The following SEMA6D variants were observed in gnomAD, a reference collection of about 807,000 sequenced individuals.
SEMA6D encodes the protein semaphorin 6D, also known as semaphorin-6D.
Under a neutral mutation model 106.6 loss-of-function variants are expected in SEMA6D, and 35 were observed. The observed-to-expected ratio is 0.33, with a 90% CI of 0.25 to 0.44. The LOEUF (loss-of-function observed/expected upper bound fraction) is 0.44, where lower values mean the gene tolerates loss of function less well. Ranked by LOEUF, SEMA6D falls within the 20% of genes least tolerant of loss-of-function variation. SEMA6D has a pLI of 1.00. For missense variants in SEMA6D, 1,185 were observed against 1,345.9 expected (o/e 0.88, Z 1.87); for synonymous variants, 499 against 487.7 (o/e 1.02, Z -0.31).
At chr15:47,303,672 C>T (rs907951362) in intron 1 of SEMA6D, among the ~76,000 whole-genome samples, 1 of 152,190 alleles carries the variant, frequency 6.6e-6, no homozygotes, top group Non-Finnish European at 1.5e-5. Context: ...AGTGGAAATT[C>T]ATTCTATATT....
rs771067201 is a variant in SEMA6D, at chr15:47,764,245, A to G, written c.1037A>G (p.Glu346Gly). 6.2e-7 allele frequency: 1 copy of G among 1,613,818 alleles called. No individual in the cohort carries two copies. Among genetic ancestry groups the G allele is most frequent in the East Asian group, 2.2e-5 (1 of 44,864 alleles). Residue 346 changes from glutamate (E) to glycine (G), a missense_variant, in exon 11 of 19, where the codon GAA (glutamate) becomes GGA (glycine). Coordinates refer to ENST00000536845, the MANE Select transcript of SEMA6D (RefSeq NM_001358351.3). The stretch of plus-strand genomic sequence containing the variant: ...AAAGTATTCAAAGGACGGTTTAAGG[A>G]ACAGAAAACTCCAGATTCTGTTTGG... The part of the protein sequence containing the change: ...IEKVFKGRFK[E>G]QKTPDSVWTA...
At chr15:47,494,741 GATATATATATATATATATATATAT>G (rs202139404) in intron 3 of SEMA6D, among the ~76,000 whole-genome samples, 1,308 of 32,986 alleles carry the variant, frequency 0.04, 64 homozygotes, top group African/African-American at 0.06. Flanking sequence ...GTGGGATGGA[GATATATATATATATATATATATAT>G]ATATATATAT....
chr15:47,734,973 G>C (rs1041349877), intron 1 of SEMA6D, among the ~76,000 whole-genome samples: 6 of 151,994 alleles, frequency 3.9e-5, no homozygotes, highest in Non-Finnish European at 8.8e-5. Flanking sequence ...CATTTCATTT[G>C]GATCTGTCCT....
chr15:47,768,299 C>G (rs1157463966), intron 17 of SEMA6D, among the ~76,000 whole-genome samples: 12 of 152,104 alleles, frequency 7.9e-5, no homozygotes, highest in African/African-American at 2.4e-4. Flanking sequence ...ATTATATTAC[C>G]TTTTTCATGA....
intron 1 of SEMA6D, among the ~76,000 whole-genome samples, chr15:47,208,271 A>G (rs778102676): frequency 2.6e-5 from 4 of 152,164 alleles, no homozygotes; most frequent in Non-Finnish European, 5.9e-5. Context: ...ATGGTGCTAG[A>G]GATACAGAAA....
In SEMA6D at chr15:47,507,317, C is replaced by T. The variant is rs138578778; in HGVS notation, c.-87+36772C>T. Among the ~76,000 whole-genome samples the T allele has an allele frequency of 5.4e-3, 826 of 152,154 alleles. 6 individuals carry two copies. Among genetic ancestry groups the T allele is most frequent in the Admixed American group, 0.015 (222 of 15,282 alleles). ...GCCTTTTCCTTCCAAGGCAACAGCT[C>T]TTCTGGGCTCTCAAGTGGGACACCC... On this transcript the variant is annotated intron_variant, in intron 3 of 19. Transcript: ENST00000558014.
chr15:47,540,435 GA>G (rs1002665961), intron 3 of SEMA6D, among the ~76,000 whole-genome samples: 26 of 146,188 alleles, frequency 1.8e-4, no homozygotes, highest in East Asian at 4.0e-4. Flanking sequence ...AACTTGTACT[GA>G]AAAAAAAAAG....
intron 1 of SEMA6D, among the ~76,000 whole-genome samples, chr15:47,186,261 G>A (rs762671924): frequency 6.6e-6 from 1 of 152,056 alleles, no homozygotes; most frequent in Non-Finnish European, 1.5e-5. Flanking sequence ...TACTTAACAT[G>A]AACACCTCTC....
intron 1 of SEMA6D, among the ~76,000 whole-genome samples, chr15:47,350,633 T>C (rs2038286532): frequency 6.6e-6 from 1 of 152,218 alleles, no homozygotes; most frequent in Non-Finnish European, 1.5e-5. Context: ...ATGCAAAAGC[T>C]TGTTCTCATC....
chr15:47,458,364 C>T (rs992993232), intron 2 of SEMA6D, among the ~76,000 whole-genome samples: 4 of 151,844 alleles, frequency 2.6e-5, no homozygotes, highest in Non-Finnish European at 5.9e-5. Flanking sequence ...ACTAATTTAA[C>T]CTAATTGACA....
chr15:47,474,165 T>C (rs1170839026), intron 3 of SEMA6D, among the ~76,000 whole-genome samples: 1 of 152,174 alleles, frequency 6.6e-6, no homozygotes, highest in African/African-American at 2.4e-5. Flanking sequence ...TGTCAGCTTG[T>C]CGCCTTGCTT....
chr15:47,255,987 A>G (rs533413960), intron 1 of SEMA6D, among the ~76,000 whole-genome samples: 1 of 152,284 alleles, frequency 6.6e-6, no homozygotes, highest in East Asian at 1.9e-4. Flanking sequence ...TCACCACTCT[A>G]AAATATGAGT....
chr15:47,434,122 C>T (rs1034436981), intron 2 of SEMA6D, among the ~76,000 whole-genome samples: 2 of 152,044 alleles, frequency 1.3e-5, no homozygotes, highest in Non-Finnish European at 1.5e-5. Context: ...TTGAGGCCTC[C>T]ACTGAAAGAG....
chr15:47,735,844 A>G (rs762559911), intron 1 of SEMA6D, among the ~76,000 whole-genome samples: 2 of 152,208 alleles, frequency 1.3e-5, no homozygotes, highest in Non-Finnish European at 2.9e-5. Context: ...AATTAAGATC[A>G]AACCTATGAT....
intron 1 of SEMA6D, among the ~76,000 whole-genome samples, chr15:47,325,509 T>C (rs532613618): frequency 6.6e-6 from 1 of 152,232 alleles, no homozygotes; most frequent in African/African-American, 2.4e-5. Context: ...GTCAGTATTA[T>C]TTCCTTTCAC....
Position 47,771,748 on chromosome 15 carries a change from C to T in SEMA6D, c.3185C>T (p.Thr1062Ile), listed in dbSNP as rs752536585. ...VPPKPSFVPQ[T>I]PSVRPLNKYT... ...CCAAAGCCTTCCTTTGTTCCTCAAA[C>T]CCCATCTGTCAGACCACTGAACAAA... The change falls in exon 19 of 19, where the codon ACC becomes ATC. Residue 1062 changes from threonine to isoleucine, a missense_variant. Transcript: ENST00000536845. The T allele has an allele frequency of 1.9e-6, 3 of 1,613,930 alleles. No homozygotes were observed. Among genetic ancestry groups the T allele is most frequent in the Non-Finnish European group, 2.5e-6 (3 of 1,179,912 alleles).
At chr15:47,196,185 C>T (rs914497682) in intron 1 of SEMA6D, among the ~76,000 whole-genome samples, 1 of 152,118 alleles carries the variant, frequency 6.6e-6, no homozygotes, top group Admixed American at 6.6e-5. Flanking sequence ...GGCAGCATGG[C>T]CCAGCTGTTG....
intron 2 of SEMA6D, among the ~76,000 whole-genome samples, chr15:47,444,970 G>C (rs1263716706): frequency 2.0e-5 from 3 of 152,132 alleles, no homozygotes; most frequent in Non-Finnish European, 4.4e-5. Context: ...GGTGGAGGCA[G>C]CTCTCAGCTG....
chr15:47,576,588 C>T (rs1010373536), intron 3 of SEMA6D, among the ~76,000 whole-genome samples: 5 of 152,182 alleles, frequency 3.3e-5, no homozygotes, highest in South Asian at 2.1e-4. Context: ...CCCAGACCAG[C>T]GGTCACTGAG....
Sources: gnomAD v4.1 joint callset for allele counts (sites outside exome capture counted in the v4.1 genomes callset) on GRCh38, gnomAD v4.1.1 for gene constraint, MANE v1.5 for transcripts, NCBI Gene and HGNC (gene_info 2026-07-23, HGNC 2026-07-21) for gene names.